The following KCNH1 variants were observed in gnomAD, a reference collection of about 807,000 sequenced individuals.
KCNH1 encodes voltage-gated delayed rectifier potassium channel KCNH1.
A neutral mutation model predicts 69.2 loss-of-function variants in KCNH1; 27 were observed. That is an observed-to-expected ratio of 0.39 (90% CI 0.29 to 0.54). The LOEUF (loss-of-function observed/expected upper bound fraction) is 0.54. Among genes scored for constraint, KCNH1 ranks in the 20% least tolerant of loss-of-function variants. KCNH1 has a pLI of 0.68. For synonymous variants in KCNH1, 456 were observed against 487.7 expected (o/e 0.93, Z 0.86); for missense variants, 798 against 1,261.6 (o/e 0.63, Z 5.57).
intron 7 of KCNH1, among the ~76,000 whole-genome samples, chr1:210,878,845 G>GT (rs957011822): frequency 1.1e-4 from 17 of 151,920 alleles, no homozygotes; most frequent in African/African-American, 3.1e-4. Context: ...GCCAAAAGCT[G>GT]TTTTTTTGAA....
chr1:210,707,233 C>T (rs1359744813), intron 10 of KCNH1, among the ~76,000 whole-genome samples: 2 of 151,988 alleles, frequency 1.3e-5, no homozygotes, highest in South Asian at 2.1e-4. Flanking sequence ...GGTGGATGCA[C>T]GGGACCCCCT....
At chr1:211,082,992 C>T (rs1182381493) in intron 4 of KCNH1, 94 bp from the exon 5 acceptor site, 2 of 924,572 alleles carry the variant, frequency 2.2e-6, no homozygotes, top group Non-Finnish European at 3.3e-6. Context: ...GAAACAGACA[C>T]CTCCAATGCC....
intron 6 of KCNH1, among the ~76,000 whole-genome samples, chr1:210,967,369 T>A (rs1197757511): frequency 6.6e-6 from 1 of 151,878 alleles, no homozygotes; most frequent in African/African-American, 2.4e-5. Flanking sequence ...AAAGATACCC[T>A]CTGCTATGCA....
At chr1:211,072,348 C>T (rs1208279446) in intron 5 of KCNH1, among the ~76,000 whole-genome samples, 1 of 152,078 alleles carries the variant, frequency 6.6e-6, no homozygotes, top group East Asian at 1.9e-4. Flanking sequence ...ACCTGCCTTG[C>T]AAGAAATGTC....
intron 6 of KCNH1, among the ~76,000 whole-genome samples, chr1:211,012,068 T>G (rs907059890): frequency 1.3e-5 from 2 of 152,200 alleles, no homozygotes; most frequent in Non-Finnish European, 2.9e-5. Flanking sequence ...TGAAAACTAC[T>G]GTGTGTCTGA....
At chr1:210,847,832 A>C (rs1466480906) in intron 7 of KCNH1, among the ~76,000 whole-genome samples, 1 of 152,112 alleles carries the variant, frequency 6.6e-6, no homozygotes, top group Non-Finnish European at 1.5e-5. Context: ...AAAAAAAGAA[A>C]TTTTTTAGCA....
chr1:210,852,327 T>C (rs1207112524), intron 7 of KCNH1, among the ~76,000 whole-genome samples: 2 of 151,846 alleles, frequency 1.3e-5, no homozygotes, highest in African/African-American at 2.4e-5. Context: ...CAAGAGGAGG[T>C]GGTGCGAGAG....
chr1:210,771,315 C>T (rs1369173075), intron 10 of KCNH1, among the ~76,000 whole-genome samples: 1 of 152,160 alleles, frequency 6.6e-6, no homozygotes, highest in African/African-American at 2.4e-5. Context: ...TGTTAACTGA[C>T]CTAAGATCTC....
At chr1:211,099,052 C>A in intron 3 of KCNH1, among the ~76,000 whole-genome samples, 1 of 152,096 alleles carries the variant, frequency 6.6e-6, no homozygotes, top group Non-Finnish European at 1.5e-5. Flanking sequence ...CCTCAGCATT[C>A]TTTTTAATAA....
intron 5 of KCNH1, among the ~76,000 whole-genome samples, chr1:211,052,776 T>C (rs1184226394): frequency 6.6e-6 from 1 of 152,192 alleles, no homozygotes; most frequent in Non-Finnish European, 1.5e-5. Flanking sequence ...AGCACGCAGG[T>C]CACTCATCAC....
At chr1:211,021,575 TACAC>T (rs34414913) in intron 5 of KCNH1, among the ~76,000 whole-genome samples, 72 of 149,518 alleles carry the variant, frequency 4.8e-4, no homozygotes, top group Admixed American at 1.7e-3. Context: ...AAACATAGAC[TACAC>T]ACACACACAC....
intron 7 of KCNH1, among the ~76,000 whole-genome samples, chr1:210,810,414 G>C (rs1318556103): frequency 2.0e-5 from 3 of 151,952 alleles, no homozygotes; most frequent in Non-Finnish European, 4.4e-5. Context: ...TTTCAATCTG[G>C]AAATGTATGC....
At chr1:210,860,771 ATCT>A (rs1429876630) in intron 7 of KCNH1, 7 of 807,878 alleles carry the variant, frequency 8.7e-6, no homozygotes, top group African/African-American at 3.4e-5. Context: ...TCAATCAGAC[ATCT>A]TCTTGTTAGC....
chr1:211,109,970 G>A (rs1002890178), intron 1 of KCNH1, among the ~76,000 whole-genome samples: 6 of 150,188 alleles, frequency 4.0e-5, no homozygotes, highest in African/African-American at 1.2e-4. Context: ...ATGAATTTTA[G>A]AAGATAAAGT....
chr1:210,823,082 G>T (rs930002314), intron 7 of KCNH1, among the ~76,000 whole-genome samples: 4 of 152,066 alleles, frequency 2.6e-5, no homozygotes, highest in African/African-American at 9.7e-5. Context: ...CTCTCTGTGT[G>T]AGCTGCTCCT....
At chr1:211,088,337 T>G (rs1690992348) in intron 4 of KCNH1, among the ~76,000 whole-genome samples, 1 of 152,178 alleles carries the variant, frequency 6.6e-6, no homozygotes, top group South Asian at 2.1e-4. Context: ...AACAAGCTGC[T>G]GAGAGTACAT....
At chr1:211,090,139 T>A (rs1691026856) in intron 4 of KCNH1, among the ~76,000 whole-genome samples, 1 of 152,198 alleles carries the variant, frequency 6.6e-6, no homozygotes, top group Non-Finnish European at 1.5e-5. Context: ...TGTGCTAAAG[T>A]CCGCTTTAAC....
At chr1:210,833,445 A>G (rs1402579021) in intron 7 of KCNH1, among the ~76,000 whole-genome samples, 1 of 152,196 alleles carries the variant, frequency 6.6e-6, no homozygotes, top group Non-Finnish European at 1.5e-5. Flanking sequence ...AGGATTCCCT[A>G]TTTAATAAAT....
intron 3 of KCNH1, among the ~76,000 whole-genome samples, chr1:211,099,690 G>A (rs1316180921): frequency 6.6e-6 from 1 of 152,108 alleles, no homozygotes; most frequent in Non-Finnish European, 1.5e-5. Context: ...AAATCACTCA[G>A]CAAACATTCA....
Sources: allele counts gnomAD v4.1 joint callset (sites outside exome capture counted in the v4.1 genomes callset), GRCh38; gene constraint gnomAD v4.1.1; transcripts MANE v1.5; gene names NCBI Gene and HGNC (gene_info 2026-07-23, HGNC 2026-07-21).